NTRK3: variants seen among roughly 807,000 people sequenced by gnomAD.
NTRK3 encodes NT-3 growth factor receptor.
A neutral mutation model predicts 91.7 loss-of-function variants in NTRK3; 24 were observed. That is an observed-to-expected ratio of 0.26 (90% CI 0.19 to 0.37). The LOEUF (loss-of-function observed/expected upper bound fraction) is 0.37. NTRK3 is among the 10% of genes least tolerant of loss of function. The pLI is 1.00. For synonymous variants in NTRK3, 483 were observed against 404.0 expected (o/e 1.20, Z -2.34); for missense variants, 880 against 1,068.9 (o/e 0.82, Z 2.46).
chr15:88,107,074 A>G (rs1247658337), intron 13 of NTRK3, among the ~76,000 whole-genome samples: 1 of 152,186 alleles, frequency 6.6e-6, no homozygotes, highest in African/African-American at 2.4e-5. Context: ...TCATTTCTGA[A>G]TAATAAGATT....
intron 5 of NTRK3, among the ~76,000 whole-genome samples, chr15:88,150,936 T>TCAC (rs1555526991): frequency 1.1e-4 from 16 of 152,290 alleles, no homozygotes; most frequent in Admixed American, 1.0e-3. Context: ...TCCTTCTAGC[T>TCAC]GGGGCCTCAC....
At chr15:88,073,151 A>C (rs967716282) in intron 13 of NTRK3, among the ~76,000 whole-genome samples, 1 of 152,234 alleles carries the variant, frequency 6.6e-6, no homozygotes, top group Admixed American at 6.5e-5. Flanking sequence ...GACCAGCAGC[A>C]TCAGCCTCAC....
intron 10 of NTRK3, 66 bp from the exon 11 acceptor site, chr15:88,128,800 G>A: frequency 1.4e-6 from 2 of 1,398,818 alleles, no homozygotes; most frequent in Non-Finnish European, 2.0e-6. Context: ...ACACTACTTG[G>A]TCCTAATAGC....
rs376210039 is a variant in NTRK3, at chr15:88,153,081, C to T, written c.396-5678G>A. Among the ~76,000 whole-genome samples the T allele has an allele frequency of 4.9e-4, 74 of 152,336 alleles. 1 individual carries two copies. In the East Asian group the frequency reaches 9.3e-3, roughly 19 times the overall value. ...AGAAAACAATGAATGTCCAACCCCT[C>T]CCAATCCTGCAAGCTCCCAGGGTCT... On this transcript the variant is annotated intron_variant, in intron 5 of 18. Transcript: ENST00000394480.
chr15:87,988,915 T>G (rs1276335134), intron 14 of NTRK3, among the ~76,000 whole-genome samples: 1 of 152,136 alleles, frequency 6.6e-6, no homozygotes, highest in Non-Finnish European at 1.5e-5. Flanking sequence ...GTTTCATACT[T>G]TTTTTTATTT....
intron 17 of NTRK3, among the ~76,000 whole-genome samples, chr15:87,892,523 C>A (rs537088197): frequency 6.6e-6 from 1 of 152,130 alleles, no homozygotes; most frequent in African/African-American, 2.4e-5. Flanking sequence ...ATATGAGATG[C>A]ATTTCCATTA....
chr15:88,009,444 G>C lies in NTRK3; in HGVS notation c.1585+23413C>G, dbSNP rs554492274. Among the ~76,000 whole-genome samples the C allele has an allele frequency of 2.0e-5, 3 of 152,298 alleles. No homozygotes were observed. In the South Asian group the frequency reaches 6.2e-4, roughly 32 times the overall value. On this transcript the variant is annotated intron_variant, in intron 14 of 18. Coordinates refer to ENST00000394480, the Ensembl canonical transcript of NTRK3. ...CTGGAAAAAGGTCCACTGCTTCTAC[G>C]TTCCACCTAATGGTTGCCATGCAGA...
In NTRK3 at chr15:88,190,157, G is replaced by A. The variant is rs146119969; in HGVS notation, c.249-5858C>T. ...GCCCAGTATTGCCTCATTTTTCTAA[G>A]CTTTTCCCGCTCCTCTCTGGCTGTC... On this transcript the variant is annotated intron_variant, in intron 3 of 18. Coordinates refer to ENST00000394480, the Ensembl canonical transcript of NTRK3. Among the ~76,000 whole-genome samples, 4 of 152,270 alleles carry A rather than the reference G, an allele frequency of 2.6e-5. No individual in the cohort carries two copies. In the East Asian group the frequency reaches 7.7e-4, roughly 29 times the overall value.
At chr15:88,018,826 T>TTTA (rs2077416707) in intron 14 of NTRK3, among the ~76,000 whole-genome samples, 1 of 152,116 alleles carries the variant, frequency 6.6e-6, no homozygotes, top group Non-Finnish European at 1.5e-5. Flanking sequence ...AGTGTATGAT[T>TTTA]TTATTATTAT....
At chr15:88,244,184 T>C (rs2052623326) in intron 3 of NTRK3, among the ~76,000 whole-genome samples, 1 of 152,136 alleles carries the variant, frequency 6.6e-6, no homozygotes. Flanking sequence ...CTCCTGGGTG[T>C]GACCTAACTT....
intron 3 of NTRK3, among the ~76,000 whole-genome samples, chr15:88,250,691 CA>C (rs1435275881): frequency 6.6e-6 from 1 of 152,168 alleles, no homozygotes; most frequent in Non-Finnish European, 1.5e-5. Flanking sequence ...GCTTCAGGAC[CA>C]CCTCTTCTGT....
intron 13 of NTRK3, among the ~76,000 whole-genome samples, chr15:88,100,960 G>A (rs1401363344): frequency 6.6e-6 from 1 of 152,160 alleles, no homozygotes; most frequent in Non-Finnish European, 1.5e-5. Context: ...GCACGGGCAA[G>A]GACTTCATGT....
chr15:88,189,817 C>A (rs758001758), intron 3 of NTRK3, among the ~76,000 whole-genome samples: 19 of 152,134 alleles, frequency 1.2e-4, no homozygotes, highest in Non-Finnish European at 2.6e-4. Context: ...AACGAATTGG[C>A]AATCTCCAAG....
intron 13 of NTRK3, among the ~76,000 whole-genome samples, chr15:88,039,074 T>C (rs2079343896): frequency 6.6e-6 from 1 of 150,964 alleles, no homozygotes; most frequent in East Asian, 2.0e-4. Context: ...CTGAGGTGGA[T>C]GGCAGGTCAA....
chr15:88,114,959 A>AT (rs1477694390), intron 13 of NTRK3, among the ~76,000 whole-genome samples: 1 of 152,096 alleles, frequency 6.6e-6, no homozygotes, highest in Non-Finnish European at 1.5e-5. Context: ...GTAAGTAATT[A>AT]TTTATTTATC....
At chr15:88,039,146 C>T (rs960246107) in intron 13 of NTRK3, among the ~76,000 whole-genome samples, 1 of 151,622 alleles carries the variant, frequency 6.6e-6, no homozygotes, top group South Asian at 2.1e-4. Flanking sequence ...CACACACACA[C>T]ACACACACAC....
intron 13 of NTRK3, among the ~76,000 whole-genome samples, chr15:88,040,784 G>GA (rs142969678): frequency 0.035 from 5,253 of 152,246 alleles, 310 homozygotes; most frequent in African/African-American, 0.12. Flanking sequence ...ACAAGAAAAG[G>GA]AAAGATGGAG....
chr15:87,991,318 C>G (rs2075271582), intron 14 of NTRK3, among the ~76,000 whole-genome samples: 1 of 152,172 alleles, frequency 6.6e-6, no homozygotes, highest in Admixed American at 6.5e-5. Context: ...GCATCTCAGG[C>G]TCCATCCAAA....
chr15:87,951,167 G>A (rs2071072783), intron 14 of NTRK3, among the ~76,000 whole-genome samples: 1 of 152,160 alleles, frequency 6.6e-6, no homozygotes, highest in Non-Finnish European at 1.5e-5. Flanking sequence ...TCCACTAGTA[G>A]AAATCAACCC....
Sources: allele counts gnomAD v4.1 joint callset (sites outside exome capture counted in the v4.1 genomes callset), GRCh38; gene constraint gnomAD v4.1.1; transcripts MANE v1.5; gene names NCBI Gene and HGNC (gene_info 2026-07-23, HGNC 2026-07-21).